IQSEC1: variants seen among roughly 807,000 people sequenced by gnomAD.
IQSEC1 encodes IQ motif and Sec7 domain ArfGEF 1.
IQSEC1 carries 31 observed loss-of-function variants against 91.0 expected under a neutral mutation model. The observed-to-expected ratio is 0.34, with a 90% CI of 0.26 to 0.46. IQSEC1 has a LOEUF of 0.46. Among genes scored for constraint, IQSEC1 ranks in the 20% least tolerant of loss-of-function variants. The pLI is 1.00. For missense variants in IQSEC1, 1,388 were observed against 1,575.6 expected (o/e 0.88, Z 2.02); for synonymous variants, 699 against 662.6 (o/e 1.05, Z -0.84).
intron 1 of IQSEC1, among the ~76,000 whole-genome samples, chr3:13,254,436 G>A (rs1316052580): frequency 6.6e-6 from 1 of 152,226 alleles, no homozygotes; most frequent in Non-Finnish European, 1.5e-5. Context: ...TGGTGATCAG[G>A]AAGGCTAAGA....
Position 13,219,203 on chromosome 3 carries a change from G to T in IQSEC1, c.273-55070C>A, listed in dbSNP as rs1048566380. 1.3e-5 allele frequency among the ~76,000 whole-genome samples: 2 copies of T among 152,142 alleles called. 1 individual carries two copies. Among genetic ancestry groups the T allele is most frequent in the South Asian group, 4.1e-4 (2 of 4,822 alleles). ...CTCAGTCCATCCACCTCACCAGCAG[G>T]CCCTGGCTGAGCCATGCTTCCCCAG... is the stretch of plus-strand genomic sequence containing the variant. On this transcript the variant is annotated intron_variant, in intron 1 of 15. Transcript: ENST00000648114.
chr3:13,048,900 C>T (rs969957242), intron 1 of IQSEC1, among the ~76,000 whole-genome samples: 4 of 152,204 alleles, frequency 2.6e-5, no homozygotes, highest in African/African-American at 7.2e-5. Flanking sequence ...GAGCCAGAAC[C>T]CACCCAGGGC....
intron 1 of IQSEC1, among the ~76,000 whole-genome samples, chr3:13,235,454 A>G (rs1317134641): frequency 1.3e-5 from 2 of 152,174 alleles, no homozygotes; most frequent in Non-Finnish European, 2.9e-5. Context: ...CTCCCTGCTC[A>G]CAAGTTGGGG....
At chr3:13,237,485 G>A (rs1415169742) in intron 1 of IQSEC1, among the ~76,000 whole-genome samples, 1 of 152,194 alleles carries the variant, frequency 6.6e-6, no homozygotes, top group East Asian at 1.9e-4. Flanking sequence ...CTGGATGATG[G>A]AGCTATCGCA....
Position 13,058,348 on chromosome 3 carries a change from C to T in IQSEC1, c.23+14644G>A, listed in dbSNP as rs139186431. On this transcript the variant is annotated intron_variant, in intron 1 of 13. Coordinates refer to ENST00000613206, the MANE Select transcript of IQSEC1 (RefSeq NM_001134382.3). ...TGGGCTGGGCACTTCCATACAAACC[C>T]CACAGGGGCATGAAGGTTAGGAGAG... is the stretch of plus-strand genomic sequence containing the variant. 3.0e-3 allele frequency among the ~76,000 whole-genome samples: 452 copies of T among 152,330 alleles called. 2 individuals are homozygous for T. Among genetic ancestry groups the T allele is most frequent in the African/African-American group, 0.01 (425 of 41,582 alleles).
chr3:13,081,238 T>G (rs1486760554), intron 2 of IQSEC1, among the ~76,000 whole-genome samples: 3 of 152,214 alleles, frequency 2.0e-5, no homozygotes, highest in Non-Finnish European at 4.4e-5. Context: ...GCAGAATAAC[T>G]GGTCAGCTTT....
intron 1 of IQSEC1, among the ~76,000 whole-genome samples, chr3:13,239,801 C>A (rs1024211439): frequency 6.6e-6 from 1 of 152,208 alleles, no homozygotes; most frequent in African/African-American, 2.4e-5. Flanking sequence ...GCCTGCAGGA[C>A]CACGTTGCGA....
At chr3:12,968,130 C>G (rs1576074827) in intron 1 of IQSEC1, among the ~76,000 whole-genome samples, 1 of 152,356 alleles carries the variant, frequency 6.6e-6, no homozygotes, top group Admixed American at 6.5e-5. Context: ...AAACCCCCAA[C>G]CAGAGCCTAC....
intron 7 of IQSEC1, 133 bp from the exon 8 acceptor site, chr3:12,915,266 T>C: frequency 9.5e-7 from 1 of 1,057,296 alleles, no homozygotes; most frequent in Non-Finnish European, 1.4e-6. Flanking sequence ...CCACTCTCTC[T>C]GGCAGAGCTC....
At chr3:13,060,835 A>G (rs985143683) in intron 1 of IQSEC1, among the ~76,000 whole-genome samples, 1 of 152,238 alleles carries the variant, frequency 6.6e-6, no homozygotes, top group Admixed American at 6.5e-5. Context: ...AAGACTCAGC[A>G]GAGGGAACAC....
intron 2 of IQSEC1, among the ~76,000 whole-genome samples, chr3:13,104,681 C>T (rs547756827): frequency 2.6e-5 from 4 of 152,204 alleles, no homozygotes; most frequent in Non-Finnish European, 4.4e-5. Context: ...GCTGCTCTCA[C>T]GGGACCCCAG....
intron 1 of IQSEC1, among the ~76,000 whole-genome samples, chr3:13,205,267 G>A (rs1436578777): frequency 6.6e-6 from 1 of 151,974 alleles, no homozygotes; most frequent in Non-Finnish European, 1.5e-5. Flanking sequence ...AAACCACAAG[G>A]AACCATTCTG....
chr3:13,247,558 T>G (rs914757177), intron 1 of IQSEC1, among the ~76,000 whole-genome samples: 2 of 152,208 alleles, frequency 1.3e-5, no homozygotes, highest in African/African-American at 4.8e-5. Flanking sequence ...CTTCTTTTCT[T>G]CAGCCTGGAG....
chr3:13,022,578 C>A, intron 1 of IQSEC1: 1 of 475,626 alleles, frequency 2.1e-6, no homozygotes, highest in South Asian at 8.9e-5. Flanking sequence ...ATGGGAGAGG[C>A]GAGCTCAGAG....
chr3:12,911,846 C>T (rs1695587676), intron 9 of IQSEC1, 118 bp from the exon 10 acceptor site: 5 of 726,228 alleles, frequency 6.9e-6, no homozygotes, highest in African/African-American at 3.5e-5. Context: ...GACAAGCCCA[C>T]GTGAGTGGAG....
At chr3:13,223,199 G>A (rs1031373825) in intron 1 of IQSEC1, among the ~76,000 whole-genome samples, 4 of 152,176 alleles carry the variant, frequency 2.6e-5, no homozygotes, top group African/African-American at 9.7e-5. Flanking sequence ...AGGTCTTCAT[G>A]GAAAAGTCAA....
Position 12,935,030 on chromosome 3 carries a change from C to T in IQSEC1, c.1568+418G>A, listed in dbSNP as rs1235643664. ...CCTGGGTCTCGCCTGTCTGCCCCTG[C>T]CCCCCACTGACACAACCGGTCATAC... On this transcript the variant is annotated intron_variant, in intron 3 of 13. Coordinates refer to ENST00000613206, the MANE Select transcript of IQSEC1 (RefSeq NM_001134382.3). The surrounding 1 kb of genome is among the most constrained non-coding windows in gnomAD (Gnocchi z 8.0). Among the ~76,000 whole-genome samples, 1 of 151,812 alleles carries T rather than the reference C, an allele frequency of 6.6e-6. No homozygotes were observed. The highest frequency in any genetic ancestry group is 1.5e-5 in the Non-Finnish European group (1 of 67,962).
At chr3:13,183,210 CATAA>C (rs1264730264) in intron 1 of IQSEC1, among the ~76,000 whole-genome samples, 23 of 147,336 alleles carry the variant, frequency 1.6e-4, no homozygotes, top group Middle Eastern at 3.4e-3. Flanking sequence ...AACAAACAAA[CATAA>C]ATAAATAAAA....
chr3:12,926,700 G>C (rs1469299235), intron 3 of IQSEC1, among the ~76,000 whole-genome samples: 1 of 152,228 alleles, frequency 6.6e-6, no homozygotes, highest in Non-Finnish European at 1.5e-5. Flanking sequence ...CCCGGGGTGG[G>C]GGGGATGGAG....
Sources: gnomAD v4.1 joint callset for allele counts (sites outside exome capture counted in the v4.1 genomes callset) on GRCh38, gnomAD v4.1.1 for gene constraint, Gnocchi (gnomAD v3.1) non-coding constraint, MANE v1.5 for transcripts, NCBI Gene and HGNC (gene_info 2026-07-23, HGNC 2026-07-21) for gene names.